TP53TG5: variants seen among roughly 807,000 people sequenced by gnomAD.
TP53TG5 encodes TP53-target gene 5 protein.
Under a neutral mutation model 30.0 loss-of-function variants are expected in TP53TG5, and 17 were observed. The ratio of observed to expected loss-of-function variants is 0.57; its 90% CI spans 0.39 to 0.85. The LOEUF (loss-of-function observed/expected upper bound fraction) is 0.85, where lower values mean the gene tolerates loss of function less well. TP53TG5 is among the 40% of genes least tolerant of loss of function. TP53TG5 has a pLI of 0.00. For missense variants in TP53TG5, 338 were observed against 367.9 expected (o/e 0.92, Z 0.67); for synonymous variants, 137 against 139.2 (o/e 0.98, Z 0.11).
Position 45,373,825 on chromosome 20 carries a change from AG to A in TP53TG5, c.*81del. 1 of 1,354,204 alleles carries A rather than the reference AG, an allele frequency of 7.4e-7. No individual in the cohort carries two copies. Among genetic ancestry groups the A allele is most frequent in the Admixed American group, 1.7e-5 (1 of 59,172 alleles). The allele number at this position is 1,354,204 out of a possible 1,614,324, so 83.9% of individuals were successfully genotyped here. A position where few individuals can be genotyped will look rare whatever the true frequency, so the allele number is the denominator to read the frequency against. On this transcript the variant is annotated 3_prime_UTR_variant, in exon 5 of 5. Coordinates refer to ENST00000372726, the MANE Select transcript of TP53TG5 (RefSeq NM_014477.3). ...TCGCGACACAGGCTCCCTCTACCGA[AG>A]GCCTCTTTCCTTCATCCTTCCCAGC... is the stretch of plus-strand genomic sequence containing the variant.
chr20:45,374,953 C>G, intron 4 of TP53TG5, 86 bp downstream of exon 4: 1 of 1,530,898 alleles, frequency 6.5e-7, no homozygotes. Flanking sequence ...GACTCCAGAT[C>G]CTGAACCCTG....
rs2249094 is a variant in TP53TG5 at position 45,372,675 on chromosome 20, G to A, written c.*1232C>T. On this transcript the variant is annotated 3_prime_UTR_variant, in exon 5 of 5. Coordinates refer to ENST00000372726, the MANE Select transcript of TP53TG5 (RefSeq NM_014477.3). ...AATGGGCTGGAGTGCAAGCTGGGTG[G>A]GAAGACCGCTGAAAGTGGTTACTGG... The A allele has an allele frequency of 0.099, 15,083 of 152,310 alleles. 1,026 individuals carry two copies. Among genetic ancestry groups the A allele is most frequent in the South Asian group, 0.27 (1,298 of 4,828 alleles). 9.4% of individuals were successfully genotyped at this position (152,310 alleles called of 1,614,324 possible). A position where few individuals can be genotyped will look rare whatever the true frequency, so the allele number is the denominator to read the frequency against.
In TP53TG5 at chr20:45,375,470, T is replaced by C. The variant is rs1988702160; in HGVS notation, c.337A>G (p.Lys113Glu). The C allele has an allele frequency of 1.9e-6, 3 of 1,613,906 alleles. No homozygotes were observed. The highest frequency in any genetic ancestry group is 2.7e-5 in the African/African-American group (2 of 74,894). Residue 113 changes from lysine (K) to glutamate (E), a missense_variant, in exon 4 of 5, where the codon AAG becomes GAG. Physicochemically the swap from Lys to Glu is moderately conservative, Grantham distance 56 (BLOSUM62 1). Transcript: ENST00000372726. ...GGGTCCCCTGTGGACTCTAATTTCT[T>C]GGACTTGAGTTCCTTCTCGGAGCAC... is the stretch of plus-strand genomic sequence containing the variant. ...IGCSEKELKS[K>E]KLESTGDPKK...
intron 4 of TP53TG5, 133 bp downstream of exon 4, chr20:45,374,906 C>T (rs1011249813): frequency 1.3e-5 from 16 of 1,259,746 alleles, no homozygotes; most frequent in Admixed American, 9.3e-5. Context: ...GACATGAAGG[C>T]GGAGCCTCCC....
rs1376067798 is a variant in TP53TG5 at position 45,372,840 on chromosome 20, G to T, written c.*1067C>A. 4 of 151,670 alleles carry T rather than the reference G, an allele frequency of 2.6e-5. 1 individual carries two copies. The Admixed American group carries it at 2.6e-4, about 10-fold the overall frequency. 9.4% of individuals were successfully genotyped at this position (151,670 alleles called of 1,614,324 possible). A position where few individuals can be genotyped will look rare whatever the true frequency, so the allele number is the denominator to read the frequency against. On this transcript the variant is annotated 3_prime_UTR_variant, in exon 5 of 5. Coordinates refer to ENST00000372726, the MANE Select transcript of TP53TG5 (RefSeq NM_014477.3). ...CTATGAGGTGCTAAGCAGTCCCCGC[G>T]CTGTGGCTCCGCCCAGGCTGGTCCG... is the stretch of plus-strand genomic sequence containing the variant.
chr20:45,375,497 C>G lies in TP53TG5; in HGVS notation c.310G>C (p.Gly104Arg). 5.6e-6 allele frequency: 9 copies of G among 1,604,764 alleles called. No individual in the cohort carries two copies. The highest frequency in any genetic ancestry group is 6.8e-6 in the Non-Finnish European group (8 of 1,175,606). Residue 104 changes from glycine to arginine, a missense_variant, in exon 4 of 5, where the codon GGG becomes CGG. Physicochemically the swap from Gly to Arg is moderately radical, Grantham distance 125 (BLOSUM62 -2). Transcript: ENST00000372726. ...GACTTGAGTTCCTTCTCGGAGCACC[C>G]GATCTCCTGGAACTCTTCATTATTT... ...KQNNEEFQEI[G>R]CSEKELKSKK... is the part of the protein sequence containing the mutation.
At chr20:45,374,087 G>A in intron 4 of TP53TG5, 76 bp from the exon 5 acceptor site, 1 of 1,373,270 alleles carries the variant, frequency 7.3e-7, no homozygotes. Flanking sequence ...GCGGGCGCAG[G>A]GACAAGGGTG....
chr20:45,377,177 T>C, intron 3 of TP53TG5, 35 bp downstream of exon 3: 1 of 1,610,466 alleles, frequency 6.2e-7, no homozygotes, highest in Non-Finnish European at 8.5e-7. Flanking sequence ...AAAGACGGCA[T>C]TTGGGTCCAT....
In TP53TG5 at chr20:45,378,262, G is replaced by C. The variant is rs1383893056; in HGVS notation, c.-26C>G. 5 of 1,613,870 alleles carry C rather than the reference G, an allele frequency of 3.1e-6. No homozygotes were observed. The highest frequency in any genetic ancestry group is 4.2e-6 in the Non-Finnish European group (5 of 1,179,956). On this transcript the variant is annotated 5_prime_UTR_variant, in exon 1 of 5. Coordinates refer to ENST00000372726, the MANE Select transcript of TP53TG5 (RefSeq NM_014477.3). ...GCTGGGGCTGTGAGACCTCAGAGAT[G>C]AATGGAGCAACACCAGTGCCAGGCA...
chr20:45,373,010 C>T lies in TP53TG5; in HGVS notation c.*897G>A, dbSNP rs1357473053. 1 of 152,398 alleles carries T rather than the reference C, an allele frequency of 6.6e-6. No homozygotes were observed. Among genetic ancestry groups the T allele is most frequent in the African/African-American group, 2.4e-5 (1 of 41,474 alleles). 9.4% of individuals were successfully genotyped at this position (152,398 alleles called of 1,614,324 possible). On this transcript the variant is annotated 3_prime_UTR_variant, in exon 5 of 5. Coordinates refer to ENST00000372726, the MANE Select transcript of TP53TG5 (RefSeq NM_014477.3). Reference sequence around the variant, plus strand: ...CTATCTGCATCGCTGCCCTGACCCCCAATCCCGGAGAGCTCTGTGCCCCTC... The same window carrying T: ...CTATCTGCATCGCTGCCCTGACCCCTAATCCCGGAGAGCTCTGTGCCCCTC...
At chr20:45,377,712 TG>T (rs778640404) in intron 1 of TP53TG5, 99 bp from the exon 2 acceptor site, 42 of 1,161,338 alleles carry the variant, frequency 3.6e-5, no homozygotes, top group Non-Finnish European at 5.2e-5. Context: ...CCGAGGTGGG[TG>T]GCTCATTTGA....
rs1988628281 is a variant in TP53TG5 at position 45,373,730 on chromosome 20, C to G, written c.*177G>C. 1 of 610,678 alleles carries G rather than the reference C, an allele frequency of 1.6e-6. No homozygotes were observed. Among genetic ancestry groups the G allele is most frequent in the Admixed American group, 2.8e-5 (1 of 36,010 alleles). The allele number at this position is 610,678 out of a possible 1,614,324, so 37.8% of individuals were successfully genotyped here. A position where few individuals can be genotyped will look rare whatever the true frequency, so the allele number is the denominator to read the frequency against. ...AGCTCGCGGAGGTGGGGGAGGGGTGCTGCTCGCTGGCTTCTTTGGTTCTAG... is the reference window on the plus strand; with the variant it reads ...AGCTCGCGGAGGTGGGGGAGGGGTGGTGCTCGCTGGCTTCTTTGGTTCTAG... On this transcript the variant is annotated 3_prime_UTR_variant, in exon 5 of 5. Transcript: ENST00000372726.
chr20:45,375,635 G>A, intron 3 of TP53TG5, 83 bp from the exon 4 acceptor site: 1 of 1,508,734 alleles, frequency 6.6e-7, no homozygotes, highest in Non-Finnish European at 8.8e-7. Flanking sequence ...CAGCTCAGGG[G>A]AGCCTGTTAA....
At chr20:45,374,051 C>T in intron 4 of TP53TG5, 40 bp from the exon 5 acceptor site, 3 of 1,599,306 alleles carry the variant, frequency 1.9e-6, no homozygotes, top group Non-Finnish European at 2.6e-6. Context: ...TAAGACTGTC[C>T]CCAGGGGGCG....
chr20:45,375,719 G>A (rs761847864), intron 3 of TP53TG5, 167 bp from the exon 4 acceptor site: 8 of 768,398 alleles, frequency 1.0e-5, no homozygotes, highest in Non-Finnish European at 1.7e-5. Context: ...GAGGTGTGAT[G>A]AGCACTAGCA....
chr20:45,377,555 C>T lies in TP53TG5; in HGVS notation c.107G>A (p.Arg36Gln), dbSNP rs116218782. Residue 36 changes from arginine to glutamine, a missense_variant, in exon 2 of 5, where the codon CGG (arginine) becomes CAG (glutamine). By Grantham distance (43) the Arg-to-Gln change is conservative (BLOSUM62 1). Coordinates refer to ENST00000372726, the MANE Select transcript of TP53TG5 (RefSeq NM_014477.3). ...GCGTCTCACCGTTCTCAGACGGTTC[C>T]GCTCAATTACTTTGCTCACAGGCTG... ...TEQPVSKVIERNRLRTVLKNL... is the reference protein window; with the variant it reads ...TEQPVSKVIEQNRLRTVLKNL... 176 of 1,614,116 alleles carry T rather than the reference C, an allele frequency of 1.1e-4. No individual in the cohort carries two copies. Among genetic ancestry groups the T allele is most frequent in the African/African-American group, 7.5e-4 (56 of 75,046 alleles).
rs1192488379 is a variant in TP53TG5, at chr20:45,377,209, T to C, written c.254+3A>G. The C allele has an allele frequency of 1.2e-6, 2 of 1,613,470 alleles. No homozygotes were observed. Among genetic ancestry groups the C allele is most frequent in the Non-Finnish European group, 1.7e-6 (2 of 1,180,022 alleles). On this transcript the variant is annotated splice_donor_region_variant and intron_variant, in intron 3 of 4. Transcript: ENST00000372726. ...CCATTATGGGGGCCAGGCCCCAGCT[T>C]ACCCAGAGGAGATGCGGAGAATCTT...
At chr20:45,374,950 G>C in intron 4 of TP53TG5, 89 bp downstream of exon 4, 1 of 1,526,696 alleles carries the variant, frequency 6.6e-7, no homozygotes, top group Non-Finnish European at 8.8e-7. Flanking sequence ...CAAGACTCCA[G>C]ATCCTGAACC....
At position 45,375,248 on chromosome 20, in the gene TP53TG5, T is replaced by C. The variant is rs993568507; in HGVS notation, c.559A>G (p.Ile187Val). The C allele has an allele frequency of 1.2e-6, 2 of 1,614,170 alleles. No individual in the cohort carries two copies. Among genetic ancestry groups the C allele is most frequent in the Non-Finnish European group, 1.7e-6 (2 of 1,180,024 alleles). The change falls in exon 4 of 5, where the codon ATT (isoleucine) becomes GTT (valine). Residue 187 changes from isoleucine (I) to valine (V), a missense_variant. Transcript: ENST00000372726. ...GGAGTTCTATTGCGGTAGGGCTTAATGAAGATGACTCGGGGGCCCTCGGTG... is the reference window on the plus strand; with the variant it reads ...GGAGTTCTATTGCGGTAGGGCTTAACGAAGATGACTCGGGGGCCCTCGGTG... The part of the protein sequence containing the change: ...PLTEGPRVIF[I>V]KPYRNRTPMG...
Sources: gnomAD v4.1 joint callset for allele counts on GRCh38, gnomAD v4.1.1 for gene constraint, MANE v1.5 for transcripts, NCBI Gene and HGNC (gene_info 2026-07-23, HGNC 2026-07-21) for gene names.